CACNA2D3: variants seen among roughly 807,000 people sequenced by gnomAD.
The protein encoded by CACNA2D3 is voltage-dependent calcium channel subunit alpha-2/delta-3.
Under a neutral mutation model 160.6 loss-of-function variants are expected in CACNA2D3, and 60 were observed. That is an observed-to-expected ratio of 0.37 (90% confidence interval 0.30 to 0.46). The LOEUF is 0.46. Among genes scored for constraint, CACNA2D3 ranks in the 20% least tolerant of loss-of-function variants. CACNA2D3 has a pLI of 1.00. For synonymous variants in CACNA2D3, 558 were observed against 492.9 expected (o/e 1.13, Z -1.75); for missense variants, 1,205 against 1,365.0 (o/e 0.88, Z 1.85).
Position 55,074,439 on chromosome 3 carries a change from A to G in CACNA2D3, c.*233A>G. 1 of 533,740 alleles carries G rather than the reference A, an allele frequency of 1.9e-6. No homozygotes were observed. Among genetic ancestry groups the G allele is most frequent in the Non-Finnish European group, 3.4e-6 (1 of 298,266 alleles). The allele number at this position is 533,740 out of a possible 1,614,324, so 33.1% of individuals were successfully genotyped here. A position where few individuals can be genotyped will look rare whatever the true frequency, so the allele number is the denominator to read the frequency against. On this transcript the variant is annotated 3_prime_UTR_variant, in exon 38 of 38. Coordinates refer to ENST00000474759, the MANE Select transcript of CACNA2D3 (RefSeq NM_018398.3). Reference sequence around the variant, plus strand: ...CATGCAAATGTGAGTTTGCCACATGATAATCACCCTTCATCAGAAATGGGA... The same window carrying G: ...CATGCAAATGTGAGTTTGCCACATGGTAATCACCCTTCATCAGAAATGGGA...
chr3:54,975,919 C>T (rs1345866942), intron 29 of CACNA2D3, among the ~76,000 whole-genome samples: 1 of 151,978 alleles, frequency 6.6e-6, no homozygotes, highest in Non-Finnish European at 1.5e-5. Context: ...TGCTTTCAGC[C>T]ACAATAATAA....
Position 54,977,693 on chromosome 3 carries a change from C to T in CACNA2D3, c.2557-6915C>T, listed in dbSNP as rs1234176715. ...ATTTACTGACTCAACAGAGGTTAGC[C>T]GCCCCTTGCTTCATTGTCTGTATCT... On this transcript the variant is annotated intron_variant, in intron 29 of 37. Coordinates refer to ENST00000474759, the MANE Select transcript of CACNA2D3 (RefSeq NM_018398.3). Among the ~76,000 whole-genome samples, 5 of 152,096 alleles carry T rather than the reference C, an allele frequency of 3.3e-5. No homozygotes were observed. In the East Asian group the frequency reaches 9.6e-4, roughly 29 times the overall value.
intron 18 of CACNA2D3, among the ~76,000 whole-genome samples, chr3:54,873,965 A>C (rs922206798): frequency 1.3e-5 from 2 of 152,178 alleles, no homozygotes; most frequent in African/African-American, 2.4e-5. Context: ...CCTGAGTAGC[A>C]GAGGACAGGG....
At chr3:54,673,337 G>T (rs1038005317) in intron 11 of CACNA2D3, among the ~76,000 whole-genome samples, 5 of 152,196 alleles carry the variant, frequency 3.3e-5, no homozygotes, top group African/African-American at 1.2e-4. Flanking sequence ...GTTAAGGCAG[G>T]TTTCTTCATT....
At chr3:54,958,257 G>A (rs535869607) in intron 27 of CACNA2D3, among the ~76,000 whole-genome samples, 1 of 152,360 alleles carries the variant, frequency 6.6e-6, no homozygotes, top group East Asian at 1.9e-4. Context: ...GATGGGTGTG[G>A]TGGCTTCAGC....
chr3:54,498,747 T>C (rs1384612870), intron 4 of CACNA2D3, among the ~76,000 whole-genome samples: 3 of 152,044 alleles, frequency 2.0e-5, no homozygotes, highest in Non-Finnish European at 4.4e-5. Flanking sequence ...CTGCTTTCGT[T>C]GCATCTCACA....
intron 2 of CACNA2D3, among the ~76,000 whole-genome samples, chr3:54,149,999 TTCTC>T (rs1700116613): frequency 7.3e-6 from 1 of 136,764 alleles, no homozygotes; most frequent in Non-Finnish European, 1.6e-5. Flanking sequence ...CCCCCTCTGT[TTCTC>T]TCTTTATCTC....
intron 13 of CACNA2D3, among the ~76,000 whole-genome samples, chr3:54,797,869 A>C (rs566960673): frequency 3.9e-5 from 6 of 152,342 alleles, no homozygotes; most frequent in African/African-American, 1.2e-4. Context: ...TGCTATGCAA[A>C]TGTAAAGCTC....
In CACNA2D3 at chr3:54,166,038, G is replaced by T. The variant is rs921317162; in HGVS notation, c.204+42444G>T. On this transcript the variant is annotated intron_variant, in intron 2 of 37. Coordinates refer to ENST00000474759, the MANE Select transcript of CACNA2D3 (RefSeq NM_018398.3). ...TAAGAGAGGAGCCCAGACATGGGAA[G>T]AGTACAGCTGTGTGCCTGAAATACT... 2.5e-4 allele frequency among the ~76,000 whole-genome samples: 38 copies of T among 152,182 alleles called. 1 individual carries two copies. Among genetic ancestry groups the T allele is most frequent in the Admixed American group, 2.5e-3 (38 of 15,284 alleles).
chr3:55,055,371 A>T lies in CACNA2D3; in HGVS notation c.2988-18074A>T, dbSNP rs1704336167. ...CAGTTGACCATATTTGTACAGGTTC[A>T]TTTCTGGGCTCTTTATTCTGTTCCA... On this transcript the variant is annotated intron_variant, in intron 35 of 37. Transcript: ENST00000474759. Among the ~76,000 whole-genome samples, 3 of 152,062 alleles carry T rather than the reference A, an allele frequency of 2.0e-5. No individual in the cohort carries two copies. The South Asian group carries it at 6.2e-4, about 31-fold the overall frequency.
chr3:54,535,584 AG>A (rs1701877284), intron 5 of CACNA2D3, among the ~76,000 whole-genome samples: 1 of 152,210 alleles, frequency 6.6e-6, no homozygotes, highest in East Asian at 1.9e-4. Context: ...GTGGATGTTA[AG>A]CTATTATATC....
At chr3:54,730,027 G>A in intron 11 of CACNA2D3, among the ~76,000 whole-genome samples, 1 of 150,040 alleles carries the variant, frequency 6.7e-6, no homozygotes, top group Non-Finnish European at 1.5e-5. Flanking sequence ...AAAAATTAGT[G>A]TTTATGGAGG....
Position 54,180,213 on chromosome 3 carries a change from A to T in CACNA2D3, c.204+56619A>T, listed in dbSNP as rs540965546. 4.6e-5 allele frequency among the ~76,000 whole-genome samples: 7 copies of T among 151,454 alleles called. No individual in the cohort carries two copies. In the South Asian group the frequency reaches 1.3e-3, roughly 27 times the overall value. On this transcript the variant is annotated intron_variant, in intron 2 of 37. Coordinates refer to ENST00000474759, the MANE Select transcript of CACNA2D3 (RefSeq NM_018398.3). ...GATGTAGTGGCTCTACATTTCTGAA[A>T]CCCTTGCCCAACAGTGGCAGGAGGT...
At chr3:54,736,283 T>G (rs1035786106) in intron 11 of CACNA2D3, among the ~76,000 whole-genome samples, 3 of 151,510 alleles carry the variant, frequency 2.0e-5, no homozygotes, top group Non-Finnish European at 1.5e-5. Flanking sequence ...GATGGCTTCA[T>G]GAAAGTTCAT....
intron 2 of CACNA2D3, among the ~76,000 whole-genome samples, chr3:54,189,575 G>A (rs1700943221): frequency 6.6e-6 from 1 of 152,142 alleles, no homozygotes. Context: ...TGCTGTGTGA[G>A]GTGGAACAGA....
intron 11 of CACNA2D3, among the ~76,000 whole-genome samples, chr3:54,685,473 TG>T (rs1559548904): frequency 6.6e-6 from 1 of 152,204 alleles, no homozygotes; most frequent in Non-Finnish European, 1.5e-5. Flanking sequence ...TGCCAATCCC[TG>T]GAGTGAATCA....
intron 27 of CACNA2D3, among the ~76,000 whole-genome samples, chr3:54,911,349 GTCT>G (rs1700551443): frequency 5.6e-5 from 1 of 18,008 alleles, no homozygotes; most frequent in African/African-American, 3.6e-4. Context: ...CTTCTTTGTC[GTCT>G]TTTTTTTTTT....
At chr3:54,727,534 A>T (rs1481360953) in intron 11 of CACNA2D3, among the ~76,000 whole-genome samples, 7 of 152,234 alleles carry the variant, frequency 4.6e-5, no homozygotes, top group African/African-American at 1.7e-4. Flanking sequence ...TAGACTGGAT[A>T]AAGAAAATGT....
At chr3:54,413,837 A>G (rs548927599) in intron 4 of CACNA2D3, among the ~76,000 whole-genome samples, 1 of 150,578 alleles carries the variant, frequency 6.6e-6, no homozygotes, top group Admixed American at 6.6e-5. Context: ...TGACAATAAC[A>G]GTTTTAAATT....
Sources: allele counts gnomAD v4.1 joint callset (sites outside exome capture counted in the v4.1 genomes callset), GRCh38; gene constraint gnomAD v4.1.1; transcripts MANE v1.5; gene names NCBI Gene and HGNC (gene_info 2026-07-23, HGNC 2026-07-21).